The following GTSE1 variants were observed in gnomAD, a reference collection of about 807,000 sequenced individuals.
GTSE1 encodes G2 and S-phase expressed 1, also known as G2 and S phase-expressed protein 1.
In GTSE1, 52 loss-of-function variants were observed where a neutral mutation model predicts 60.5. The observed-to-expected ratio is 0.86, with a 90% CI of 0.69 to 1.08. GTSE1 has a LOEUF of 1.08. GTSE1 is among the 50% of genes least tolerant of loss of function. GTSE1 has a pLI of 0.00. For missense variants in GTSE1, 937 were observed against 961.8 expected (o/e 0.97, Z 0.34); for synonymous variants, 368 against 386.5 (o/e 0.95, Z 0.56).
At chr22:46,323,128 C>G (rs914186131) in intron 7 of GTSE1, 62 bp from the exon 8 acceptor site, 2 of 1,085,482 alleles carry the variant, frequency 1.8e-6, no homozygotes, top group Admixed American at 3.4e-5. Flanking sequence ...GTGACGATCC[C>G]CCAACAGTAG....
At chr22:46,322,902 G>A (rs2077821624) in intron 7 of GTSE1, among the ~76,000 whole-genome samples, 1 of 152,218 alleles carries the variant, frequency 6.6e-6, no homozygotes, top group East Asian at 1.9e-4. Context: ...GGGATATACA[G>A]CCAGGGTGGG....
Position 46,310,159 on chromosome 22 carries a change from G to T in GTSE1, c.762+1216G>T, listed in dbSNP as rs1321436080. Among the ~76,000 whole-genome samples the T allele has an allele frequency of 6.6e-6, 1 of 152,250 alleles. No individual in the cohort carries two copies. The highest frequency in any genetic ancestry group is 1.5e-5 in the Non-Finnish European group (1 of 68,052). ...ACTTCTAGAGTGGCTCATGGCACAT[G>T]CTCACTCCTGTGAGGAGTCATTAGC... On this transcript the variant is annotated intron_variant, in intron 4 of 11. Coordinates refer to ENST00000454366, the MANE Select transcript of GTSE1 (RefSeq NM_016426.7). This position sits in a 1 kb window ranked among gnomAD's most constrained non-coding sequence, Gnocchi z 4.4.
chr22:46,321,798 G>T lies in GTSE1; in HGVS notation c.1433-1392G>T, dbSNP rs1004420608. On this transcript the variant is annotated intron_variant, in intron 7 of 11. Coordinates refer to ENST00000454366, the MANE Select transcript of GTSE1 (RefSeq NM_016426.7). This position sits in a 1 kb window ranked among gnomAD's most constrained non-coding sequence, Gnocchi z 4.0. ...GATTTTTAAAAGAATAGGAGAGGCT[G>T]GGGCAGTGGCTCACGCCTGTAATCC... is the stretch of plus-strand genomic sequence containing the variant. Among the ~76,000 whole-genome samples the T allele has an allele frequency of 1.3e-5, 2 of 152,170 alleles. No individual in the cohort carries two copies. Among genetic ancestry groups the T allele is most frequent in the Non-Finnish European group, 2.9e-5 (2 of 68,024 alleles).
rs141635155 is a variant in GTSE1 at position 46,297,195 on chromosome 22, G to A, written c.-21-185G>A. On this transcript the variant is annotated intron_variant, in intron 1 of 11. Coordinates refer to ENST00000454366, the MANE Select transcript of GTSE1 (RefSeq NM_016426.7). This position sits in a 1 kb window ranked among gnomAD's most constrained non-coding sequence, Gnocchi z 4.9. ...CTGATGGCGTTCGGGCTGACTCCCG[G>A]CCTGGCGGCACTCGGGCCCTGGGGT... is the stretch of plus-strand genomic sequence containing the variant. 3.9e-3 allele frequency among the ~76,000 whole-genome samples: 588 copies of A among 152,304 alleles called. 1 individual carries two copies. Among genetic ancestry groups the A allele is most frequent in the Non-Finnish European group, 5.9e-3 (400 of 68,018 alleles).
chr22:46,308,072 T>A, intron 2 of GTSE1, 78 bp from the exon 3 acceptor site: 1 of 949,908 alleles, frequency 1.1e-6, no homozygotes, highest in Non-Finnish European at 1.7e-6. Flanking sequence ...TTTATTTAAT[T>A]CCAAGCCATA....
In GTSE1 at chr22:46,310,749, T is replaced by C. The variant is rs1350902468; in HGVS notation, c.763-1392T>C. Among the ~76,000 whole-genome samples the C allele has an allele frequency of 6.6e-6, 1 of 152,164 alleles. No individual in the cohort carries two copies. The highest frequency in any genetic ancestry group is 1.5e-5 in the Non-Finnish European group (1 of 68,040). ...TTTGAGCCCAGCCCGGCCAACATGGTGAAACCCCGTCTCTACAAAAAAATA... is the reference window on the plus strand; with the variant it reads ...TTTGAGCCCAGCCCGGCCAACATGGCGAAACCCCGTCTCTACAAAAAAATA... On this transcript the variant is annotated intron_variant, in intron 4 of 11. Coordinates refer to ENST00000454366, the MANE Select transcript of GTSE1 (RefSeq NM_016426.7). This position sits in a 1 kb window ranked among gnomAD's most constrained non-coding sequence, Gnocchi z 4.4.
At position 46,319,297 on chromosome 22, in the gene GTSE1, T is replaced by C. The variant is rs1225680504; in HGVS notation, c.1432+2885T>C. ...AGCGACTTGACCTTCAGAAGGTCCC[T>C]CCACAGAGGGAAGAGCAGAGTCTCT... is the stretch of plus-strand genomic sequence containing the variant. On this transcript the variant is annotated intron_variant, in intron 7 of 11. Coordinates refer to ENST00000454366, the MANE Select transcript of GTSE1 (RefSeq NM_016426.7). This position sits in a 1 kb window ranked among gnomAD's most constrained non-coding sequence, Gnocchi z 5.0. Among the ~76,000 whole-genome samples the C allele has an allele frequency of 6.6e-6, 1 of 152,026 alleles. No individual in the cohort carries two copies. Among genetic ancestry groups the C allele is most frequent in the Non-Finnish European group, 1.5e-5 (1 of 67,978 alleles).
Position 46,320,713 on chromosome 22 carries a change from G to A in GTSE1, c.1433-2477G>A, listed in dbSNP as rs542875036. Among the ~76,000 whole-genome samples the A allele has an allele frequency of 6.6e-6, 1 of 152,304 alleles. No homozygotes were observed. Among genetic ancestry groups the A allele is most frequent in the South Asian group, 2.1e-4 (1 of 4,826 alleles). On this transcript the variant is annotated intron_variant, in intron 7 of 11. Transcript: ENST00000454366. This position sits in a 1 kb window ranked among gnomAD's most constrained non-coding sequence, Gnocchi z 7.1. ...CTATTTACTATGAGTCCATGCTGCC[G>A]GGTCACCCAGAGGATTGAGACTTGG... is the stretch of plus-strand genomic sequence containing the variant.
chr22:46,322,141 G>A (rs1460598882), intron 7 of GTSE1, among the ~76,000 whole-genome samples: 7 of 151,792 alleles, frequency 4.6e-5, no homozygotes, highest in Non-Finnish European at 8.8e-5. Flanking sequence ...CCTTTCTGAG[G>A]AGATCTGGTT....
intron 9 of GTSE1, among the ~76,000 whole-genome samples, chr22:46,327,565 C>T (rs1372284990): frequency 6.6e-6 from 1 of 152,096 alleles, no homozygotes; most frequent in Non-Finnish European, 1.5e-5. Flanking sequence ...ATCCCAGCTA[C>T]TCAGGCGGCT....
At chr22:46,307,776 C>T (rs986745803) in intron 2 of GTSE1, among the ~76,000 whole-genome samples, 4 of 151,478 alleles carry the variant, frequency 2.6e-5, no homozygotes, top group Non-Finnish European at 4.4e-5. Flanking sequence ...GTTGGAGTTA[C>T]AGGCATAAGC....
At chr22:46,306,479 C>G (rs1266932698) in intron 2 of GTSE1, among the ~76,000 whole-genome samples, 2 of 148,134 alleles carry the variant, frequency 1.4e-5, no homozygotes, top group Non-Finnish European at 3.0e-5. Flanking sequence ...TTGCGCCCAG[C>G]CTGTTTTGTT....
chr22:46,325,957 C>T (rs2077841216), intron 8 of GTSE1, among the ~76,000 whole-genome samples: 1 of 152,264 alleles, frequency 6.6e-6, no homozygotes, highest in African/African-American at 2.4e-5. Context: ...TTTGTGTTCA[C>T]ATCTGATTCA....
Position 46,309,942 on chromosome 22 carries a change from G to A in GTSE1, c.762+999G>A, listed in dbSNP as rs1341343348. Among the ~76,000 whole-genome samples, 3 of 152,214 alleles carry A rather than the reference G, an allele frequency of 2.0e-5. No individual in the cohort carries two copies. Among genetic ancestry groups the A allele is most frequent in the Admixed American group, 1.3e-4 (2 of 15,280 alleles). ...TTGTGCATGTAGCACGCGTGGACTCGGGGAGAGAGGTGGTGTGATTTGGGC... is the reference window on the plus strand; with the variant it reads ...TTGTGCATGTAGCACGCGTGGACTCAGGGAGAGAGGTGGTGTGATTTGGGC... On this transcript the variant is annotated intron_variant, in intron 4 of 11. Transcript: ENST00000454366. This position sits in a 1 kb window ranked among gnomAD's most constrained non-coding sequence, Gnocchi z 6.2.
chr22:46,304,580 G>A lies in GTSE1; in HGVS notation c.80-3570G>A, dbSNP rs753448808. Reference sequence around the variant, plus strand: ...AAATGATTATATGAGTAGATTGTATGAAATGAAACCATCTCACAGTCATGA... The same window carrying A: ...AAATGATTATATGAGTAGATTGTATAAAATGAAACCATCTCACAGTCATGA... On this transcript the variant is annotated intron_variant, in intron 2 of 11. Coordinates refer to ENST00000454366, the MANE Select transcript of GTSE1 (RefSeq NM_016426.7). The surrounding 1 kb of genome is among the most constrained non-coding windows in gnomAD (Gnocchi z 4.4). Among the ~76,000 whole-genome samples, 37 of 152,210 alleles carry A rather than the reference G, an allele frequency of 2.4e-4. No individual in the cohort carries two copies. The highest frequency in any genetic ancestry group is 4.4e-4 in the Non-Finnish European group (30 of 68,042).
rs1323251511 is a variant in GTSE1, at chr22:46,313,690, G to A, written c.928-200G>A. On this transcript the variant is annotated intron_variant, in intron 5 of 11. Coordinates refer to ENST00000454366, the MANE Select transcript of GTSE1 (RefSeq NM_016426.7). This position sits in a 1 kb window ranked among gnomAD's most constrained non-coding sequence, Gnocchi z 4.4. ...TGCCCAGCTAGTTTTTATATTTTTA[G>A]TAGAGACAAGGTTTCACCATATTGG... Among the ~76,000 whole-genome samples, 1 of 152,108 alleles carries A rather than the reference G, an allele frequency of 6.6e-6. No individual in the cohort carries two copies. The highest frequency in any genetic ancestry group is 2.4e-5 in the African/African-American group (1 of 41,414).
chr22:46,311,567 G>C (rs2077748951), intron 4 of GTSE1, among the ~76,000 whole-genome samples: 1 of 152,226 alleles, frequency 6.6e-6, no homozygotes, highest in African/African-American at 2.4e-5. Context: ...TTACCACTCT[G>C]AGCTTCTATT....
Position 46,314,486 on chromosome 22 carries a change from T to A in GTSE1, c.1051+473T>A, listed in dbSNP as rs1465102209. On this transcript the variant is annotated intron_variant, in intron 6 of 11. Coordinates refer to ENST00000454366, the MANE Select transcript of GTSE1 (RefSeq NM_016426.7). The surrounding 1 kb of genome is among the most constrained non-coding windows in gnomAD (Gnocchi z 7.1). ...CTAGTGGTAAGGGAAAGCCTTCGCC[T>A]TTCTGCTCTTCAGAGCGAAATCCTC... Among the ~76,000 whole-genome samples, 1 of 152,098 alleles carries A rather than the reference T, an allele frequency of 6.6e-6. No individual in the cohort carries two copies. Among genetic ancestry groups the A allele is most frequent in the Non-Finnish European group, 1.5e-5 (1 of 68,026 alleles).
intron 2 of GTSE1, among the ~76,000 whole-genome samples, chr22:46,298,212 C>T (rs1252084090): frequency 6.6e-6 from 1 of 151,660 alleles, no homozygotes; most frequent in Non-Finnish European, 1.5e-5. Flanking sequence ...ATCTGCCTGC[C>T]TCGGCCTCCC....
Sources: gnomAD v4.1 joint callset for allele counts (sites outside exome capture counted in the v4.1 genomes callset) on GRCh38, gnomAD v4.1.1 for gene constraint, Gnocchi (gnomAD v3.1) non-coding constraint, MANE v1.5 for transcripts, NCBI Gene and HGNC (gene_info 2026-07-23, HGNC 2026-07-21) for gene names.